The following GRM7 variants were observed in gnomAD, a reference collection of about 807,000 sequenced individuals.
GRM7 encodes glutamate metabotropic receptor 7, also known as metabotropic glutamate receptor 7.
GRM7 carries 35 observed loss-of-function variants against 84.5 expected under a neutral mutation model. The observed-to-expected ratio is 0.41, with a 90% confidence interval of 0.32 to 0.55. The LOEUF (loss-of-function observed/expected upper bound fraction) is 0.55. GRM7 is among the 20% of genes least tolerant of loss of function. The probability of loss-of-function intolerance (pLI) is 0.19; values close to 1 mark genes in which losing one functional copy is unlikely to be tolerated. For missense variants in GRM7, 1,003 were observed against 1,194.6 expected, an observed-to-expected ratio of 0.84 and a Z score of 2.36; for synonymous variants, 487 against 455.1, an observed-to-expected ratio of 1.07 and a Z score of -0.89.
At chr3:7,205,707 G>T (rs529564561) in intron 2 of GRM7, among the ~76,000 whole-genome samples, 5 of 152,324 alleles carry the variant, frequency 3.3e-5, no homozygotes, top group Admixed American at 2.0e-4. Flanking sequence ...CCACGGGGAA[G>T]CAGGGAAGGT....
chr3:7,245,116 C>A (rs1205394150), intron 2 of GRM7, among the ~76,000 whole-genome samples: 2 of 151,846 alleles, frequency 1.3e-5, no homozygotes, highest in African/African-American at 4.8e-5. Context: ...AAACAGAAAT[C>A]TCAACTGAAA....
intron 1 of GRM7, among the ~76,000 whole-genome samples, chr3:7,011,608 C>G (rs986283361): frequency 1.3e-5 from 2 of 152,058 alleles, no homozygotes; most frequent in African/African-American, 4.8e-5. Flanking sequence ...TCACTCAATG[C>G]CAGTGGTTTT....
At chr3:7,672,756 T>C (rs368203648) in intron 8 of GRM7, among the ~76,000 whole-genome samples, 2 of 152,118 alleles carry the variant, frequency 1.3e-5, no homozygotes, top group East Asian at 3.9e-4. Context: ...AGGCGCCCGC[T>C]ATGGCGCCCG....
intron 1 of GRM7, among the ~76,000 whole-genome samples, chr3:6,972,625 A>G (rs150686990): frequency 9.9e-4 from 151 of 152,354 alleles, no homozygotes; most frequent in African/African-American, 3.4e-3. Context: ...AAAGAGAGGA[A>G]GCAGGATTGC....
chr3:6,874,800 G>T (rs772047607), intron 1 of GRM7, among the ~76,000 whole-genome samples: 1 of 152,192 alleles, frequency 6.6e-6, no homozygotes, highest in Non-Finnish European at 1.5e-5. Flanking sequence ...GTACTAGGAG[G>T]TAGTGAAGGG....
intron 4 of GRM7, among the ~76,000 whole-genome samples, chr3:7,349,712 T>C (rs1693049194): frequency 6.6e-6 from 1 of 152,148 alleles, no homozygotes; most frequent in African/African-American, 2.4e-5. Context: ...TCTTCCCTTT[T>C]ACCAATAACA....
At chr3:6,964,001 A>G (rs1693402815) in intron 1 of GRM7, among the ~76,000 whole-genome samples, 1 of 152,118 alleles carries the variant, frequency 6.6e-6, no homozygotes, top group Non-Finnish European at 1.5e-5. Flanking sequence ...GACCATCTAC[A>G]TTTGCTGCCT....
At chr3:7,186,233 G>A (rs548700200) in intron 2 of GRM7, among the ~76,000 whole-genome samples, 20 of 152,280 alleles carry the variant, frequency 1.3e-4, no homozygotes, top group Middle Eastern at 3.4e-3. Context: ...TTCAAGTTGC[G>A]TGTATTTTTT....
intron 1 of GRM7, among the ~76,000 whole-genome samples, chr3:7,109,903 AT>A (rs1692785441): frequency 6.6e-6 from 1 of 152,138 alleles, no homozygotes; most frequent in South Asian, 2.1e-4. Flanking sequence ...TCTAGAGTTG[AT>A]TTTTGTTTTT....
At chr3:6,960,187 G>A (rs1693236308) in intron 1 of GRM7, among the ~76,000 whole-genome samples, 1 of 152,080 alleles carries the variant, frequency 6.6e-6, no homozygotes, top group South Asian at 2.1e-4. Flanking sequence ...CTCAAGCTGA[G>A]CCACCCCCAA....
intron 4 of GRM7, among the ~76,000 whole-genome samples, chr3:7,403,733 C>CTGTGTATATA (rs150462140): frequency 0.75 from 109,206 of 145,996 alleles, 41,499 homozygotes; most frequent in African/African-American, 0.87. Context: ...ATGAGAATAT[C>CTGTGTATATA]TGTGTATATA....
chr3:7,365,576 AC>A (rs1205785283), intron 4 of GRM7, among the ~76,000 whole-genome samples: 46 of 150,070 alleles, frequency 3.1e-4, no homozygotes, highest in African/African-American at 1.0e-3. Context: ...TCAATAATCA[AC>A]TTTATAAAAA....
At chr3:7,593,151 A>G (rs1695873142) in intron 8 of GRM7, among the ~76,000 whole-genome samples, 1 of 152,204 alleles carries the variant, frequency 6.6e-6, no homozygotes, top group Admixed American at 6.5e-5. Context: ...TGATGAGATC[A>G]TTGCTTCTGG....
chr3:7,049,412 A>G (rs1400422489), intron 1 of GRM7, among the ~76,000 whole-genome samples: 1 of 152,056 alleles, frequency 6.6e-6, no homozygotes, highest in African/African-American at 2.4e-5. Context: ...AAACCATCAG[A>G]TCTTGTAAGA....
At chr3:6,980,045 C>T (rs965041915) in intron 1 of GRM7, among the ~76,000 whole-genome samples, 1 of 152,088 alleles carries the variant, frequency 6.6e-6, no homozygotes, top group Non-Finnish European at 1.5e-5. Context: ...CATCTACCTT[C>T]TAGTATGTTA....
chr3:6,945,201 G>A (rs961497890), intron 1 of GRM7, among the ~76,000 whole-genome samples: 3 of 151,646 alleles, frequency 2.0e-5, no homozygotes, highest in East Asian at 1.9e-4. Context: ...TCCTAATGCT[G>A]TCCCTCCCGC....
chr3:6,887,828 C>T (rs1695762207), intron 1 of GRM7, among the ~76,000 whole-genome samples: 1 of 152,208 alleles, frequency 6.6e-6, no homozygotes, highest in South Asian at 2.1e-4. Context: ...AATGGTTGAA[C>T]TAATTTATAC....
chr3:6,894,490 G>A (rs1696098303), intron 1 of GRM7, among the ~76,000 whole-genome samples: 1 of 151,992 alleles, frequency 6.6e-6, no homozygotes, highest in African/African-American at 2.4e-5. Context: ...TAGAATGGGA[G>A]CAAATAAGCC....
intron 8 of GRM7, among the ~76,000 whole-genome samples, chr3:7,630,487 C>G (rs1697817268): frequency 6.6e-6 from 1 of 152,196 alleles, no homozygotes; most frequent in Admixed American, 6.5e-5. Flanking sequence ...AGACGCACCT[C>G]TTCCTTGATC....
Sources: gnomAD v4.1 joint callset for allele counts (sites outside exome capture counted in the v4.1 genomes callset) on GRCh38, gnomAD v4.1.1 for gene constraint, MANE v1.5 for transcripts, NCBI Gene and HGNC (gene_info 2026-07-23, HGNC 2026-07-21) for gene names.